The following DGKA variants were observed in gnomAD, a reference collection of about 807,000 sequenced individuals.
DGKA encodes 80 kDa diacylglycerol kinase.
A neutral mutation model predicts 105.0 loss-of-function variants in DGKA; 35 were observed. The observed-to-expected ratio is 0.33, with a 90% CI of 0.25 to 0.44. The LOEUF is 0.44. Ranked by LOEUF, DGKA falls within the 20% of genes least tolerant of loss-of-function variation. DGKA has a pLI of 1.00. For missense variants in DGKA, 665 were observed against 915.0 expected (o/e 0.73, Z 3.53); for synonymous variants, 296 against 332.0 (o/e 0.89, Z 1.18).
chr12:55,953,913 A>C lies in DGKA; in HGVS notation c.*145A>C, dbSNP rs1444410255. On this transcript the variant is annotated 3_prime_UTR_variant, in exon 24 of 24. Coordinates refer to ENST00000331886, the MANE Select transcript of DGKA (RefSeq NM_001345.5). Reference sequence around the variant, plus strand: ...ACCCTCACAGTATTTATTATCCTGCACCACCTCACTGTTCCCCATGCGCAC... The same window carrying C: ...ACCCTCACAGTATTTATTATCCTGCCCCACCTCACTGTTCCCCATGCGCAC... The C allele has an allele frequency of 1.4e-6, 1 of 715,294 alleles. No homozygotes were observed. The highest frequency in any genetic ancestry group is 2.4e-6 in the Non-Finnish European group (1 of 423,712). The allele number at this position is 715,294 out of a possible 1,614,324, so 44.3% of individuals were successfully genotyped here. A position where few individuals can be genotyped will look rare whatever the true frequency, so the allele number is the denominator to read the frequency against.
rs1458794587 is a variant in DGKA, at chr12:55,952,686, G to A, written c.1744-48G>A. 1 of 1,601,086 alleles carries A rather than the reference G, an allele frequency of 6.2e-7. No individual in the cohort carries two copies. The highest frequency in any genetic ancestry group is 8.6e-7 in the Non-Finnish European group (1 of 1,169,160). ...ATCACATCTATGATCATGCCATGAGGTGAGGATCTGTACCCTCCCTAACTG... is the reference window on the plus strand; with the variant it reads ...ATCACATCTATGATCATGCCATGAGATGAGGATCTGTACCCTCCCTAACTG... On this transcript the variant is annotated intron_variant, in intron 20 of 23. Coordinates refer to ENST00000331886, the MANE Select transcript of DGKA (RefSeq NM_001345.5). The surrounding 1 kb of genome is among the most constrained non-coding windows in gnomAD (Gnocchi z 5.1).
At chr12:55,927,319 A>G, upstream of DGKA, 2 of 790,702 alleles carry the variant, frequency 2.5e-6, no homozygotes, top group Non-Finnish European at 4.3e-6. Flanking sequence ...CACCGATACC[A>G]TTACTGAGCG....
upstream of DGKA, chr12:55,927,751 G>C: frequency 6.5e-7 from 1 of 1,539,552 alleles, no homozygotes; most frequent in South Asian, 1.2e-5. Flanking sequence ...AGGGCTGCCG[G>C]CAGCTTCCAT....
At chr12:55,927,937 G>A (rs1456620120), upstream of DGKA, 1 of 738,542 alleles carries the variant, frequency 1.4e-6, no homozygotes, top group African/African-American at 1.8e-5. Context: ...CAGGGTGAAA[G>A]CTTCTGGGCG....
chr12:55,937,551 C>A lies in DGKA; in HGVS notation c.274+8C>A. 1 of 1,613,710 alleles carries A rather than the reference C, an allele frequency of 6.2e-7. No homozygotes were observed. The highest frequency in any genetic ancestry group is 1.1e-5 in the South Asian group (1 of 91,024). On this transcript the variant is annotated splice_region_variant and intron_variant, in intron 4 of 23. Transcript: ENST00000331886. ...AGACAAATGTGACAAAAGGTATGGT[C>A]AAGCAGGTAGGACTGGGCTAAGCCT... is the stretch of plus-strand genomic sequence containing the variant.
In DGKA at chr12:55,944,899, C is replaced by T. The variant is rs547224900; in HGVS notation, c.1426+2636C>T. Among the ~76,000 whole-genome samples, 11 of 152,126 alleles carry T rather than the reference C, an allele frequency of 7.2e-5. No homozygotes were observed. The South Asian group carries it at 1.0e-3, about 14-fold the overall frequency. The stretch of plus-strand genomic sequence containing the variant: ...ACTGCAACTTCTACCTCGCAGGTTC[C>T]GGCGATTCTCCTGCCTTACCCTCCC... On this transcript the variant is annotated intron_variant, in intron 17 of 23. Coordinates refer to ENST00000331886, the MANE Select transcript of DGKA (RefSeq NM_001345.5).
At chr12:55,942,286 G>C in intron 17 of DGKA, 23 bp downstream of exon 17, 1 of 1,611,394 alleles carries the variant, frequency 6.2e-7, no homozygotes. Context: ...AAATTGTTTT[G>C]CTGTAGGCTG....
Position 55,940,456 on chromosome 12 carries a change from C to T in DGKA, c.918+23C>T. On this transcript the variant is annotated intron_variant, in intron 11 of 23. Transcript: ENST00000331886. This position sits in a 1 kb window ranked among gnomAD's most constrained non-coding sequence, Gnocchi z 4.3. ...GAGGTCAGTTTGGGAGCCATCCCTT[C>T]TGGGTGCGTCTTACCCCGCAGAGCT... 1 of 1,612,744 alleles carries T rather than the reference C, an allele frequency of 6.2e-7. No individual in the cohort carries two copies. The highest frequency in any genetic ancestry group is 8.5e-7 in the Non-Finnish European group (1 of 1,179,366).
At chr12:55,953,587 C>A (rs1427859947) in intron 23 of DGKA, 98 bp from the exon 24 acceptor site, 2 of 1,406,604 alleles carry the variant, frequency 1.4e-6, no homozygotes, top group East Asian at 2.3e-5. Context: ...AGGAACCTAG[C>A]AACCCACCCC....
chr12:55,947,375 G>A (rs551496750), intron 17 of DGKA, among the ~76,000 whole-genome samples: 3 of 152,238 alleles, frequency 2.0e-5, no homozygotes, highest in South Asian at 4.1e-4. Flanking sequence ...TCATATACAT[G>A]TGCCAAGAAA....
At chr12:55,941,089 T>G (rs1885875083) in intron 13 of DGKA, 109 bp downstream of exon 13, 1 of 1,374,404 alleles carries the variant, frequency 7.3e-7, no homozygotes, top group South Asian at 1.3e-5. Flanking sequence ...TGATGCTCAC[T>G]CTCCAGAAAC....
rs1436322950 is a variant in DGKA, at chr12:55,940,208, CATCCTG to C, written c.798+39_798+44del. 1 of 1,613,696 alleles carries C rather than the reference CATCCTG, an allele frequency of 6.2e-7. No homozygotes were observed. Among genetic ancestry groups the C allele is most frequent in the Non-Finnish European group, 8.5e-7 (1 of 1,179,542 alleles). On this transcript the variant is annotated intron_variant, in intron 10 of 23. Transcript: ENST00000331886. The surrounding 1 kb of genome is among the most constrained non-coding windows in gnomAD (Gnocchi z 4.3). The stretch of plus-strand genomic sequence containing the variant: ...ATGCCTCCACCCCCAACATCACCTA[CATCCTG>C]GCCCTGGCCCTGGCCCTTGGCCCAT...
chr12:55,946,004 T>C (rs1390194357), intron 17 of DGKA, among the ~76,000 whole-genome samples: 1 of 152,096 alleles, frequency 6.6e-6, no homozygotes, highest in Non-Finnish European at 1.5e-5. Context: ...CCCATGCTGG[T>C]CTCGAACTCC....
At chr12:55,942,485 C>T in intron 17 of DGKA, 1 of 509,062 alleles carries the variant, frequency 2.0e-6, no homozygotes. Flanking sequence ...GTCCCCTTTC[C>T]TGTAAATATT....
rs977713980 is a variant in DGKA, at chr12:55,953,154, C to A, written c.2057C>A (p.Thr686Asn). ...CGGCTGGCCAAGTGCTCTGAGATCA[C>A]CTTCCAGTAAGGAAGACTCCACCAG... The part of the protein sequence containing the change: ...GRRLAKCSEI[T>N]FHTTKTLPMQ... The change falls in exon 22 of 24, where the codon ACC (threonine) becomes AAC (asparagine). Residue 686 changes from threonine to asparagine, a missense_variant. Physicochemically the swap from Thr to Asn is moderately conservative, Grantham distance 65. Around this residue, in one of 3 missense-constraint regions of DGKA, gnomAD observed 158 missense variants for 213.4 expected, o/e 0.74. Coordinates refer to ENST00000331886, the MANE Select transcript of DGKA (RefSeq NM_001345.5). 1.9e-6 allele frequency: 3 copies of A among 1,614,072 alleles called. No individual in the cohort carries two copies. The highest frequency in any genetic ancestry group is 2.5e-6 in the Non-Finnish European group (3 of 1,180,006).
chr12:55,952,766 G>A lies in DGKA; in HGVS notation c.1776G>A (p.Leu592=), dbSNP rs148709501. Residue 592 remains leucine, a synonymous_variant, in exon 21 of 24, where the codon CTG becomes CTA. Coordinates refer to ENST00000331886, the MANE Select transcript of DGKA (RefSeq NM_001345.5). This position sits in a 1 kb window ranked among gnomAD's most constrained non-coding sequence, Gnocchi z 5.1. ...ICGKPLDLSN[L]SLEGIAVLNI... ...GGAAACCGCTGGATCTGAGCAACCTGTCCCTAGAAGGCATCGCAGTGCTAA... is the reference window on the plus strand; with the variant it reads ...GGAAACCGCTGGATCTGAGCAACCTATCCCTAGAAGGCATCGCAGTGCTAA... 1 of 1,614,118 alleles carries A rather than the reference G, an allele frequency of 6.2e-7. No individual in the cohort carries two copies. The highest frequency in any genetic ancestry group is 1.7e-5 in the Admixed American group (1 of 60,018).
chr12:55,927,891 G>A (rs1883226631), upstream of DGKA: 1 of 1,229,574 alleles, frequency 8.1e-7, no homozygotes, highest in Non-Finnish European at 1.1e-6. Flanking sequence ...TCCTAACCCT[G>A]AGTGCCTCCT....
intron 17 of DGKA, among the ~76,000 whole-genome samples, chr12:55,951,102 A>T (rs1267307223): frequency 6.6e-6 from 1 of 152,146 alleles, no homozygotes; most frequent in Non-Finnish European, 1.5e-5. Flanking sequence ...TTTCCCCAGC[A>T]CCATTTATTG....
chr12:55,935,966 T>C (rs1884578382), intron 1 of DGKA: 5 of 986,772 alleles, frequency 5.1e-6, no homozygotes, highest in Admixed American at 6.0e-5. Context: ...GCAGTAAGAG[T>C]CACTCAGAGG....
Sources: gnomAD v4.1 joint callset for allele counts (sites outside exome capture counted in the v4.1 genomes callset) on GRCh38, gnomAD v4.1.1 for gene constraint, gnomAD v4.1.1 regional missense constraint, Gnocchi (gnomAD v3.1) non-coding constraint, MANE v1.5 for transcripts, NCBI Gene and HGNC (gene_info 2026-07-23, HGNC 2026-07-21) for gene names.